GRHL1: variants seen among roughly 807,000 people sequenced by gnomAD.
GRHL1 encodes the protein grainyhead like transcription factor 1, also known as grainyhead-like protein 1 homolog.
GRHL1 carries 38 observed loss-of-function variants against 75.7 expected under a neutral mutation model. The observed-to-expected ratio is 0.50, with a 90% CI of 0.39 to 0.66. GRHL1 has a LOEUF of 0.66. GRHL1 is among the 30% of genes least tolerant of loss of function. The pLI, the probability that GRHL1 is intolerant of heterozygous loss-of-function variation, is 0.00. For missense variants in GRHL1, 589 were observed against 767.5 expected, an observed-to-expected ratio of 0.77 and a Z score of 2.75; for synonymous variants, 266 against 279.4, an observed-to-expected ratio of 0.95 and a Z score of 0.48.
chr2:9,953,086 A>T, intron 1 of GRHL1: 1 of 456,744 alleles, frequency 2.2e-6, no homozygotes, highest in African/African-American at 2.0e-5. Context: ...CTTGACGTAT[A>T]GTTTAGATAA....
At chr2:9,964,160 T>A in intron 6 of GRHL1, 75 bp from the exon 7 acceptor site, 1 of 1,312,460 alleles carries the variant, frequency 7.6e-7, no homozygotes, top group Non-Finnish European at 1.1e-6. Context: ...CACTGTAAAA[T>A]ATAGTACTAA....
intron 15 of GRHL1, 151 bp from the exon 16 acceptor site, chr2:10,000,442 T>C: frequency 1.7e-6 from 1 of 604,666 alleles, no homozygotes; most frequent in Non-Finnish European, 3.0e-6. Flanking sequence ...TTATCCCCAT[T>C]TTATAGATGA....
intron 9 of GRHL1, among the ~76,000 whole-genome samples, chr2:9,986,913 T>G (rs6761812): frequency 0.027 from 4,031 of 152,098 alleles, 175 homozygotes; most frequent in African/African-American, 0.091. Context: ...CTGCCATGTT[T>G]CCCATGCTGG....
chr2:9,963,142 A>G (rs557962748), intron 5 of GRHL1, among the ~76,000 whole-genome samples: 2 of 152,334 alleles, frequency 1.3e-5, no homozygotes, highest in East Asian at 3.9e-4. Flanking sequence ...CTGCCTCAAG[A>G]TGCAGGAGTC....
intron 1 of GRHL1, chr2:9,953,110 A>T (rs537184282): frequency 2.2e-6 from 1 of 456,620 alleles, no homozygotes; most frequent in African/African-American, 2.0e-5. Flanking sequence ...AAATTTTCCA[A>T]AGCTAACATT....
rs1298410912 is a variant in GRHL1, at chr2:9,998,566, GTA to G, written c.1678-390_1678-389del. Among the ~76,000 whole-genome samples the G allele has an allele frequency of 3.2e-4, 12 of 37,572 alleles. 1 individual carries two copies. Among genetic ancestry groups the G allele is most frequent in the South Asian group, 6.1e-4 (1 of 1,648 alleles). 24.6% of individuals were successfully genotyped at this position (37,572 alleles called of 152,430 possible). ...TACATATGTATATATGTGTGTACAT[GTA>G]TATATATACATATGTACATATATAT... On this transcript the variant is annotated intron_variant, in intron 14 of 15. Coordinates refer to ENST00000324907, the MANE Select transcript of GRHL1 (RefSeq NM_198182.3).
At chr2:9,980,683 A>T (rs1418568504) in intron 8 of GRHL1, among the ~76,000 whole-genome samples, 3 of 152,236 alleles carry the variant, frequency 2.0e-5, no homozygotes, top group Non-Finnish European at 4.4e-5. Context: ...TTGGGAAGGA[A>T]GTATGAAAAC....
rs117079535 is a variant in GRHL1 at position 9,972,219 on chromosome 2, T to C, written c.1110+6838T>C. ...TTTTTTTTTTTTTTGGTCAAATTTT[T>C]CCCCTTCCTCCACCCTGTCACTGTC... On this transcript the variant is annotated intron_variant, in intron 8 of 15. Coordinates refer to ENST00000324907, the MANE Select transcript of GRHL1 (RefSeq NM_198182.3). Among the ~76,000 whole-genome samples the C allele has an allele frequency of 7.1e-4, 108 of 151,996 alleles. No individual in the cohort carries two copies. The East Asian group carries it at 0.02, about 28-fold the overall frequency.
At chr2:9,978,344 T>G (rs1668040257) in intron 8 of GRHL1, among the ~76,000 whole-genome samples, 1 of 152,136 alleles carries the variant, frequency 6.6e-6, no homozygotes, top group Non-Finnish European at 1.5e-5. Flanking sequence ...TGAGAAAGGG[T>G]GTATCCGTTG....
In GRHL1 at chr2:9,992,033, C is replaced by A. The variant is rs1335292186; in HGVS notation, c.1348C>A (p.Pro450Thr). 4 of 1,606,722 alleles carry A rather than the reference C, an allele frequency of 2.5e-6. No homozygotes were observed. The East Asian group carries it at 8.9e-5, about 36-fold the overall frequency. Residue 450 changes from proline (P) to threonine (T), a missense_variant, in exon 11 of 16, where the codon CCC (proline) becomes ACC (threonine). Physicochemically the swap from Pro to Thr is conservative, Grantham distance 38. Coordinates refer to ENST00000324907, the MANE Select transcript of GRHL1 (RefSeq NM_198182.3). This position sits in a 1 kb window ranked among gnomAD's most constrained non-coding sequence, Gnocchi z 4.6. Reference sequence around the variant, plus strand: ...TTCTGATGTTAAAGTGCCACTGCTTCCCTCTCACAAGCGAATGGATATCAC... The same window carrying A: ...TTCTGATGTTAAAGTGCCACTGCTTACCTCTCACAAGCGAATGGATATCAC... ...KVSDVKVPLL[P>T]SHKRMDITVF...
chr2:9,992,771 G>A lies in GRHL1; in HGVS notation c.1462-436G>A, dbSNP rs1032082608. ...ACAGATTTATAAGGACTAAAGATTC[G>A]TCAGAGTTCTTGGGGCCATGGCCAG... On this transcript the variant is annotated intron_variant, in intron 11 of 15. Transcript: ENST00000324907. The surrounding 1 kb of genome is among the most constrained non-coding windows in gnomAD (Gnocchi z 4.6). 1.3e-5 allele frequency among the ~76,000 whole-genome samples: 2 copies of A among 152,180 alleles called. No individual in the cohort carries two copies. Among genetic ancestry groups the A allele is most frequent in the Non-Finnish European group, 2.9e-5 (2 of 68,026 alleles).
At chr2:9,981,048 A>C (rs1224826003) in intron 8 of GRHL1, among the ~76,000 whole-genome samples, 1 of 152,266 alleles carries the variant, frequency 6.6e-6, no homozygotes, top group African/African-American at 2.4e-5. Flanking sequence ...GGAAGTGTTA[A>C]AACTGAGGAA....
At chr2:9,994,831 G>A (rs147155991) in intron 12 of GRHL1, among the ~76,000 whole-genome samples, 71 of 152,138 alleles carry the variant, frequency 4.7e-4, no homozygotes, top group Middle Eastern at 6.8e-3. Flanking sequence ...GCGTTCGTTC[G>A]ATCTGAGTTT....
Position 10,001,937 on chromosome 2 carries a change from C to G in GRHL1, c.*1230C>G, listed in dbSNP as rs1387879149. 6.6e-6 allele frequency: 1 copy of G among 152,526 alleles called. No homozygotes were observed. Among genetic ancestry groups the G allele is most frequent in the Non-Finnish European group, 1.5e-5 (1 of 68,008 alleles). 9.4% of individuals were successfully genotyped at this position (152,526 alleles called of 1,614,324 possible). On this transcript the variant is annotated 3_prime_UTR_variant, in exon 16 of 16. Transcript: ENST00000324907. ...ATTCTAGAAAACATTCATGAATTCA[C>G]AAAAATATGTTACTATGGCAGGGGA...
chr2:9,999,230 A>C (rs949876592), intron 15 of GRHL1, among the ~76,000 whole-genome samples: 1 of 152,186 alleles, frequency 6.6e-6, no homozygotes, highest in Non-Finnish European at 1.5e-5. Flanking sequence ...GAAGCAGCCA[A>C]AGAAACCTGG....
chr2:9,977,679 C>G (rs921707558), intron 8 of GRHL1, among the ~76,000 whole-genome samples: 4 of 152,186 alleles, frequency 2.6e-5, no homozygotes, highest in Non-Finnish European at 5.9e-5. Flanking sequence ...AGGGAACTTA[C>G]TAACTGCAGT....
In GRHL1 at chr2:9,998,605, T is replaced by TATACATATATATGTACACATATAC. The variant is rs1558320252; in HGVS notation, c.1678-357_1678-356insCATATATATGTACACATATACATA. Among the ~76,000 whole-genome samples the TATACATATATATGTACACATATAC allele has an allele frequency of 2.3e-3, 131 of 57,012 alleles. 37 individuals are homozygous for TATACATATATATGTACACATATAC. The highest frequency in any genetic ancestry group is 2.2e-3 in the South Asian group (5 of 2,268). 37.4% of individuals were successfully genotyped at this position (57,012 alleles called of 152,430 possible). ...ATGTACATATATATGTACACATATA[T>TATACATATATATGTACACATATAC]ATATACATATATATGTACACATATA... is the stretch of plus-strand genomic sequence containing the variant. On this transcript the variant is annotated intron_variant, in intron 14 of 15. Coordinates refer to ENST00000324907, the MANE Select transcript of GRHL1 (RefSeq NM_198182.3).
At chr2:10,000,463 G>T (rs1432384895) in intron 15 of GRHL1, 130 bp from the exon 16 acceptor site, 2 of 643,530 alleles carry the variant, frequency 3.1e-6, no homozygotes, top group East Asian at 5.2e-5. Context: ...GGAAGTTGAG[G>T]CTTAAGGAGA....
chr2:9,965,471 C>A, intron 8 of GRHL1, 90 bp downstream of exon 8: 1 of 712,868 alleles, frequency 1.4e-6, no homozygotes. Context: ...TTTTTTTTCA[C>A]AGTTTTATGT....
Sources: gnomAD v4.1 joint callset for allele counts (sites outside exome capture counted in the v4.1 genomes callset) on GRCh38, gnomAD v4.1.1 for gene constraint, Gnocchi (gnomAD v3.1) non-coding constraint, MANE v1.5 for transcripts, NCBI Gene and HGNC (gene_info 2026-07-23, HGNC 2026-07-21) for gene names.